The following KANSL3 variants were observed in gnomAD, a reference collection of about 807,000 sequenced individuals.
KANSL3 encodes KAT8 regulatory NSL complex subunit 3.
In KANSL3, 16 loss-of-function variants were observed where a neutral mutation model predicts 89.2. The observed-to-expected ratio is 0.18, with a 90% CI of 0.12 to 0.27. The LOEUF is 0.27. Among genes scored for constraint, KANSL3 ranks in the 10% least tolerant of loss-of-function variants. KANSL3 has a pLI of 1.00. For missense variants in KANSL3, 879 were observed against 1,110.6 expected, an observed-to-expected ratio of 0.79 and a Z score of 2.96; for synonymous variants, 385 against 419.7, an observed-to-expected ratio of 0.92 and a Z score of 1.01.
rs1307968755 is a variant in KANSL3, at chr2:96,593,398, A to G, written c.*2213T>C. On this transcript the variant is annotated 3_prime_UTR_variant, in exon 21 of 21. Coordinates refer to ENST00000431828, the MANE Select transcript of KANSL3 (RefSeq NM_001115016.3). Reference sequence around the variant, plus strand: ...TCCTGATCCTTCCACATTTTCTATCAATAATATTGCCTTCTGAGGTTATGG... The same window carrying G: ...TCCTGATCCTTCCACATTTTCTATCGATAATATTGCCTTCTGAGGTTATGG... 1 of 446,700 alleles carries G rather than the reference A, an allele frequency of 2.2e-6. No homozygotes were observed. The highest frequency in any genetic ancestry group is 4.5e-6 in the Non-Finnish European group (1 of 221,168). 27.7% of individuals were successfully genotyped at this position (446,700 alleles called of 1,614,324 possible).
intron 7 of KANSL3, 94 bp from the exon 8 acceptor site, chr2:96,612,657 C>G (rs1170639665): frequency 8.2e-7 from 1 of 1,215,150 alleles, no homozygotes; most frequent in Non-Finnish European, 1.2e-6. Flanking sequence ...CTTGGAATTC[C>G]ACATGAAAGA....
At chr2:96,636,679 C>T in intron 2 of KANSL3, 1 of 429,874 alleles carries the variant, frequency 2.3e-6, no homozygotes, top group East Asian at 3.6e-5. Context: ...GTCCTACTAT[C>T]TAAGTGGAAT....
chr2:96,585,533 A>G, the KANSL3 span, among the ~76,000 whole-genome samples: 1 of 152,232 alleles, frequency 6.6e-6, no homozygotes, highest in Admixed American at 6.5e-5. Flanking sequence ...AACTAGTACA[A>G]TCACTATGGA....
At chr2:96,627,850 T>C in intron 3 of KANSL3, 1 of 1,186,994 alleles carries the variant, frequency 8.4e-7, no homozygotes, top group Non-Finnish European at 1.1e-6. Flanking sequence ...GGTCATAAAA[T>C]GGTGGTATCT....
At chr2:96,586,674 C>T in the KANSL3 span, among the ~76,000 whole-genome samples, 2 of 152,154 alleles carry the variant, frequency 1.3e-5, no homozygotes, top group Non-Finnish European at 2.9e-5. Context: ...GGACTGCAGT[C>T]GCTATCCACA....
chr2:96,595,727 T>G lies in KANSL3; in HGVS notation c.2617-96A>C, dbSNP rs553589364. ...CCAATTATCCCAACTCCTGAGAATT[T>G]ATTTTAAAGAATTAATTCTCAATAG... On this transcript the variant is annotated intron_variant, in intron 20 of 20. Transcript: ENST00000431828. The G allele has an allele frequency of 5.2e-6, 7 of 1,342,170 alleles. No homozygotes were observed. In the East Asian group the frequency reaches 1.7e-4, roughly 33 times the overall value. 83.1% of individuals were successfully genotyped at this position (1,342,170 alleles called of 1,614,324 possible).
intron 5 of KANSL3, among the ~76,000 whole-genome samples, chr2:96,614,186 G>C (rs1013813441): frequency 6.6e-6 from 1 of 152,138 alleles, no homozygotes; most frequent in African/African-American, 2.4e-5. Context: ...CTGCCTCCCG[G>C]GTTCAAGCGA....
chr2:96,587,614 C>A, the KANSL3 span, among the ~76,000 whole-genome samples: 1 of 152,182 alleles, frequency 6.6e-6, no homozygotes, highest in African/African-American at 2.4e-5. Context: ...CCAGTTTCAT[C>A]CAAAACCACT....
intron 14 of KANSL3, chr2:96,607,148 C>A (rs2068106290): frequency 1.3e-5 from 8 of 616,706 alleles, no homozygotes; most frequent in South Asian, 1.1e-4. Flanking sequence ...CCAATAGGGG[C>A]TCCTTCTGAA....
chr2:96,605,764 C>T (rs1255935410), intron 14 of KANSL3: 3 of 283,544 alleles, frequency 1.1e-5, no homozygotes, highest in Non-Finnish European at 1.3e-5. Context: ...GCACTGGAAT[C>T]GGAAGAGAAG....
At position 96,602,104 on chromosome 2, in the gene KANSL3, TGA is replaced by T. The variant is rs1222926050; in HGVS notation, c.2482+10_2482+11del. ...GATCTGGGAGTCCCCACAGTTCTCA[TGA>T]GAGACTCACCTGATGCTTGGTTAGA... On this transcript the variant is annotated intron_variant, in intron 19 of 20. Transcript: ENST00000431828. The T allele has an allele frequency of 1.9e-6, 3 of 1,558,770 alleles. No individual in the cohort carries two copies. Among genetic ancestry groups the T allele is most frequent in the Admixed American group, 3.9e-5 (2 of 51,270 alleles).
At chr2:96,631,560 G>C (rs1558782024) in intron 2 of KANSL3, 78 bp from the exon 3 acceptor site, 2 of 1,505,726 alleles carry the variant, frequency 1.3e-6, no homozygotes, top group Non-Finnish European at 1.8e-6. Flanking sequence ...GACAAAAAAT[G>C]TATCTTTAAT....
intron 20 of KANSL3, 40 bp downstream of exon 20, chr2:96,601,603 T>C: frequency 1.2e-6 from 2 of 1,601,400 alleles, no homozygotes; most frequent in Non-Finnish European, 1.7e-6. Flanking sequence ...AACTTCCCAA[T>C]AATGAAGCCC....
intron 2 of KANSL3, chr2:96,636,677 A>G (rs555150356): frequency 1.2e-4 from 49 of 424,238 alleles, no homozygotes; most frequent in Non-Finnish European, 1.9e-4. Flanking sequence ...ACGTCCTACT[A>G]TCTAAGTGGA....
intron 20 of KANSL3, among the ~76,000 whole-genome samples, chr2:96,598,397 C>T (rs1202333353): frequency 1.3e-5 from 2 of 152,132 alleles, no homozygotes; most frequent in Admixed American, 6.5e-5. Flanking sequence ...AATATAGACG[C>T]CAAAATCCTA....
At position 96,593,431 on chromosome 2, in the gene KANSL3, G is replaced by A; in HGVS notation, c.*2180C>T. On this transcript the variant is annotated 3_prime_UTR_variant, in exon 21 of 21. Coordinates refer to ENST00000431828, the MANE Select transcript of KANSL3 (RefSeq NM_001115016.3). ...TGCCTTCTGAGGTTATGGATTCCAGGTCTTCTATGAAATAGGTAAAGCTTC... is the reference window on the plus strand; with the variant it reads ...TGCCTTCTGAGGTTATGGATTCCAGATCTTCTATGAAATAGGTAAAGCTTC... 5.0e-6 allele frequency: 2 copies of A among 402,758 alleles called. No homozygotes were observed. Among genetic ancestry groups the A allele is most frequent in the South Asian group, 3.5e-5 (2 of 57,116 alleles). The allele number at this position is 402,758 out of a possible 1,614,324, so 24.9% of individuals were successfully genotyped here. A position where few individuals can be genotyped will look rare whatever the true frequency, so the allele number is the denominator to read the frequency against.
intron 20 of KANSL3, among the ~76,000 whole-genome samples, chr2:96,599,440 A>G (rs2104922609): frequency 6.6e-6 from 1 of 152,338 alleles, no homozygotes; most frequent in Non-Finnish European, 1.5e-5. Flanking sequence ...GTTTTACCAC[A>G]ATTCAAATTT....
downstream of KANSL3, among the ~76,000 whole-genome samples, chr2:96,592,606 T>C (rs768850620): frequency 3.3e-4 from 50 of 152,196 alleles, no homozygotes; most frequent in Non-Finnish European, 5.9e-4. Flanking sequence ...CCTAGCACAA[T>C]GCAGAGTAGA....
intron 2 of KANSL3, 128 bp downstream of exon 2, chr2:96,636,793 A>T: frequency 1.3e-6 from 1 of 761,784 alleles, no homozygotes; most frequent in Non-Finnish European, 2.1e-6. Context: ...TGCTTAAGAG[A>T]TGCCTGAATT....
Sources: allele counts gnomAD v4.1 joint callset (sites outside exome capture counted in the v4.1 genomes callset), GRCh38; gene constraint gnomAD v4.1.1; transcripts MANE v1.5; gene names NCBI Gene and HGNC (gene_info 2026-07-23, HGNC 2026-07-21).